NPR3: variants seen among roughly 807,000 people sequenced by gnomAD.
NPR3 encodes the protein atrial natriuretic peptide receptor 3.
NPR3 carries 34 observed loss-of-function variants against 54.5 expected under a neutral mutation model. The observed-to-expected ratio is 0.62, with a 90% CI of 0.47 to 0.83. The LOEUF (loss-of-function observed/expected upper bound fraction) is 0.83. NPR3 is among the 40% of genes least tolerant of loss of function. NPR3 has a pLI of 0.00. For synonymous variants in NPR3, 289 were observed against 297.1 expected, an observed-to-expected ratio of 0.97 and a Z score of 0.28; for missense variants, 674 against 720.8, an observed-to-expected ratio of 0.94 and a Z score of 0.74.
Position 32,716,486 on chromosome 5 carries a change from C to G in NPR3, c.769+3941C>G, listed in dbSNP as rs1324277274. ...GCAAGCTTTCTTTCCAGTCATCTTT[C>G]CAATATGGTTGTGCCAAAATTTTTC... On this transcript the variant is annotated intron_variant, in intron 1 of 7. Transcript: ENST00000265074. 6 of 445,508 alleles carry G rather than the reference C, an allele frequency of 1.3e-5. No homozygotes were observed. In the Admixed American group the frequency reaches 1.5e-4, roughly 11 times the overall value. 27.6% of individuals were successfully genotyped at this position (445,508 alleles called of 1,614,324 possible).
At chr5:32,776,055 A>G (rs781154821) in intron 4 of NPR3, among the ~76,000 whole-genome samples, 4 of 152,232 alleles carry the variant, frequency 2.6e-5, no homozygotes, top group Non-Finnish European at 5.9e-5. Context: ...CCCACTGTGT[A>G]TCACTATTAA....
In NPR3 at chr5:32,789,390, A is replaced by T. The variant is rs199908934; in HGVS notation, c.*3045A>T. The T allele has an allele frequency of 4.0e-6, 2 of 503,160 alleles. No individual in the cohort carries two copies. Among genetic ancestry groups the T allele is most frequent in the Admixed American group, 2.2e-5 (1 of 45,538 alleles). 31.2% of individuals were successfully genotyped at this position (503,160 alleles called of 1,614,324 possible). On this transcript the variant is annotated 3_prime_UTR_variant, in exon 8 of 8. Coordinates refer to ENST00000265074, the MANE Select transcript of NPR3 (RefSeq NM_001204375.2). ...AGAGTCCATCTCTCCCTCAAGACTG[A>T]CCACAGGTTTCATGAGAAGGTCCCT...
At chr5:32,706,719 A>G (rs1738003186), upstream of NPR3, among the ~76,000 whole-genome samples, 1 of 152,158 alleles carries the variant, frequency 6.6e-6, no homozygotes, top group East Asian at 1.9e-4. Context: ...TATAGTCCTG[A>G]TTTGGCTCCT....
At position 32,778,062 on chromosome 5, in the gene NPR3, G is replaced by A. The variant is rs60907487; in HGVS notation, c.1196-2660G>A. Among the ~76,000 whole-genome samples, 796 of 152,020 alleles carry A rather than the reference G, an allele frequency of 5.2e-3. 11 individuals are homozygous for A. Among genetic ancestry groups the A allele is most frequent in the South Asian group, 0.032 (152 of 4,818 alleles). On this transcript the variant is annotated intron_variant, in intron 4 of 7. Coordinates refer to ENST00000265074, the MANE Select transcript of NPR3 (RefSeq NM_001204375.2). Reference sequence around the variant, plus strand: ...CTGGAGGGCGCCACTGAGGGAGGGTGTGAAGGGGAGGGTAGGTGCCAATGA... The same window carrying A: ...CTGGAGGGCGCCACTGAGGGAGGGTATGAAGGGGAGGGTAGGTGCCAATGA...
intron 3 of NPR3, among the ~76,000 whole-genome samples, chr5:32,759,928 T>G (rs1423344135): frequency 6.6e-6 from 1 of 152,192 alleles, no homozygotes; most frequent in African/African-American, 2.4e-5. Context: ...ATGTTGAATA[T>G]TGGCCCCCAC....
At chr5:32,745,684 C>T (rs1341877178) in intron 3 of NPR3, among the ~76,000 whole-genome samples, 2 of 152,210 alleles carry the variant, frequency 1.3e-5, no homozygotes, top group Non-Finnish European at 2.9e-5. Context: ...GTATTTCCTT[C>T]CTTTCCCTGC....
chr5:32,742,915 A>G (rs1315837518), intron 3 of NPR3, among the ~76,000 whole-genome samples: 1 of 152,170 alleles, frequency 6.6e-6, no homozygotes. Flanking sequence ...ATTGTATGAT[A>G]CCACTGACTC....
At chr5:32,780,332 A>G (rs962309262) in intron 4 of NPR3, among the ~76,000 whole-genome samples, 7 of 152,212 alleles carry the variant, frequency 4.6e-5, no homozygotes, top group African/African-American at 1.7e-4. Flanking sequence ...ATGTTCATCC[A>G]ATGATAACGC....
upstream of NPR3, among the ~76,000 whole-genome samples, chr5:32,708,902 T>A (rs1032399104): frequency 2.6e-5 from 4 of 151,924 alleles, no homozygotes; most frequent in Non-Finnish European, 2.9e-5. Flanking sequence ...AGCAAAAGCA[T>A]AACACTGGCT....
chr5:32,715,097 G>C (rs1185892892), intron 1 of NPR3, among the ~76,000 whole-genome samples: 1 of 152,192 alleles, frequency 6.6e-6, no homozygotes, highest in Non-Finnish European at 1.5e-5. Flanking sequence ...CCCCAAGGGT[G>C]AGGCCATGCC....
At chr5:32,704,336 G>T (rs911896252) in intron 1 of NPR3, among the ~76,000 whole-genome samples, 2 of 150,878 alleles carry the variant, frequency 1.3e-5, no homozygotes, top group Non-Finnish European at 2.9e-5. Context: ...TTATCATCTG[G>T]TTTTTGGTTC....
chr5:32,739,165 C>CTG lies in NPR3; in HGVS notation c.1059+153_1059+154dup, dbSNP rs552222462. On this transcript the variant is annotated intron_variant, in intron 3 of 7. Coordinates refer to ENST00000265074, the MANE Select transcript of NPR3 (RefSeq NM_001204375.2). ...CAGGTCTGAATGTCACTGTTGCCTT[C>CTG]TGTGTGTGTGTGTGTGTGTTTTTTT... The CTG allele has an allele frequency of 1.1e-3, 800 of 707,352 alleles. 2 individuals carry two copies. Among genetic ancestry groups the CTG allele is most frequent in the East Asian group, 8.6e-3 (296 of 34,426 alleles). 43.8% of individuals were successfully genotyped at this position (707,352 alleles called of 1,614,324 possible).
chr5:32,719,514 A>T (rs1394091694), intron 1 of NPR3, among the ~76,000 whole-genome samples: 1 of 152,136 alleles, frequency 6.6e-6, no homozygotes, highest in Non-Finnish European at 1.5e-5. Flanking sequence ...AGAAAGCTGG[A>T]ATCAGTTTGG....
At chr5:32,736,999 T>C (rs1739781462) in intron 2 of NPR3, among the ~76,000 whole-genome samples, 1 of 152,208 alleles carries the variant, frequency 6.6e-6, no homozygotes, top group Non-Finnish European at 1.5e-5. Flanking sequence ...ATTTTCTTTG[T>C]CTCTGCCTTT....
chr5:32,784,502 C>T (rs1415360774), intron 6 of NPR3, among the ~76,000 whole-genome samples: 3 of 152,146 alleles, frequency 2.0e-5, no homozygotes, highest in Non-Finnish European at 2.9e-5. Context: ...ATCTTCAGTT[C>T]CAGTTTTCCT....
At chr5:32,765,911 G>A (rs1741425503) in intron 3 of NPR3, among the ~76,000 whole-genome samples, 1 of 152,216 alleles carries the variant, frequency 6.6e-6, no homozygotes, top group African/African-American at 2.4e-5. Flanking sequence ...ATGGTGGGAA[G>A]CTGTGACCTT....
intron 1 of NPR3, among the ~76,000 whole-genome samples, chr5:32,700,152 T>C (rs1348847528): frequency 2.0e-5 from 3 of 152,192 alleles, no homozygotes; most frequent in Non-Finnish European, 1.5e-5. Context: ...ATTGGGAGTT[T>C]CATAATTAAA....
chr5:32,711,854 C>T lies in NPR3; in HGVS notation c.78C>T (p.Gly26=). ...GWALLAGGTG[G]GGVGGGGGGA... ...CGTTGCTGGCCGGCGGCACCGGTGG[C>T]GGTGGCGTTGGCGGCGGCGGCGGTG... is the stretch of plus-strand genomic sequence containing the variant. The change falls in exon 1 of 8, where the codon GGC becomes GGT. Residue 26 remains glycine (G), a synonymous_variant. Coordinates refer to ENST00000265074, the MANE Select transcript of NPR3 (RefSeq NM_001204375.2). 2.1e-6 allele frequency: 3 copies of T among 1,462,806 alleles called. No homozygotes were observed. Among genetic ancestry groups the T allele is most frequent in the South Asian group, 1.5e-5 (1 of 68,220 alleles). The allele number at this position is 1,462,806 out of a possible 1,614,324, so 90.6% of individuals were successfully genotyped here.
Position 32,789,326 on chromosome 5 carries a change from T to C in NPR3, c.*2981T>C. On this transcript the variant is annotated 3_prime_UTR_variant, in exon 8 of 8. Transcript: ENST00000265074. ...AGGGGGAGACTCAGAAATAAAAGCGTTCCCCAGATAACTTCAATCTGGAAA... is the reference window on the plus strand; with the variant it reads ...AGGGGGAGACTCAGAAATAAAAGCGCTCCCCAGATAACTTCAATCTGGAAA... The C allele has an allele frequency of 2.3e-6, 1 of 436,600 alleles. No individual in the cohort carries two copies. Among genetic ancestry groups the C allele is most frequent in the Non-Finnish European group, 4.6e-6 (1 of 217,246 alleles). 27.0% of individuals were successfully genotyped at this position (436,600 alleles called of 1,614,324 possible). A position where few individuals can be genotyped will look rare whatever the true frequency, so the allele number is the denominator to read the frequency against.
Sources: gnomAD v4.1 joint callset for allele counts (sites outside exome capture counted in the v4.1 genomes callset) on GRCh38, gnomAD v4.1.1 for gene constraint, MANE v1.5 for transcripts, NCBI Gene and HGNC (gene_info 2026-07-23, HGNC 2026-07-21) for gene names.